Variants in POU2F1 observed in about 807,000 individuals in gnomAD.
POU2F1 encodes POU class 2 homeobox 1.
POU2F1 carries 16 observed loss-of-function variants against 84.9 expected under a neutral mutation model. The observed-to-expected ratio is 0.19, with a 90% CI of 0.13 to 0.29. The LOEUF is 0.29. Among genes scored for constraint, POU2F1 ranks in the 10% least tolerant of loss-of-function variants. The pLI, the probability that POU2F1 is intolerant of heterozygous loss-of-function variation, is 1.00. For synonymous variants in POU2F1, 368 were observed against 368.3 expected, an observed-to-expected ratio of 1.00 and a Z score of 0.01; for missense variants, 738 against 942.6, an observed-to-expected ratio of 0.78 and a Z score of 2.84.
chr1:167,418,033 C>T lies in POU2F1; in HGVS notation c.*2223C>T, dbSNP rs2101959114. ...GGGAAACTAACAAATGTCCATTCACCCTTTTTGTGTGGTGTGTTTTTTTAT... is the reference window on the plus strand; with the variant it reads ...GGGAAACTAACAAATGTCCATTCACTCTTTTTGTGTGGTGTGTTTTTTTAT... On this transcript the variant is annotated 3_prime_UTR_variant, in exon 16 of 16. Transcript: ENST00000367866. 1 of 152,230 alleles carries T rather than the reference C, an allele frequency of 6.6e-6. No individual in the cohort carries two copies. The highest frequency in any genetic ancestry group is 1.9e-4 in the East Asian group (1 of 5,184). The allele number at this position is 152,230 out of a possible 1,614,324, so 9.4% of individuals were successfully genotyped here.
At chr1:167,310,248 G>A (rs1655368473) in intron 1 of POU2F1, among the ~76,000 whole-genome samples, 1 of 151,886 alleles carries the variant, frequency 6.6e-6, no homozygotes, top group Non-Finnish European at 1.5e-5. Flanking sequence ...AAGGGGGGAA[G>A]GGAGATCCAC....
At chr1:167,325,065 TTGTA>T (rs958187903) in intron 1 of POU2F1, among the ~76,000 whole-genome samples, 5 of 152,200 alleles carry the variant, frequency 3.3e-5, no homozygotes, top group African/African-American at 1.2e-4. Flanking sequence ...TTATTTTAGT[TTGTA>T]TGTGTGTGAT....
At chr1:167,325,671 C>CA (rs1259586405) in intron 1 of POU2F1, among the ~76,000 whole-genome samples, 1 of 152,066 alleles carries the variant, frequency 6.6e-6, no homozygotes, top group East Asian at 1.9e-4. Context: ...GTGGGCGAAT[C>CA]ACGAGGTCAG....
At chr1:167,358,070 G>A (rs1659086746) in intron 2 of POU2F1, among the ~76,000 whole-genome samples, 1 of 150,636 alleles carries the variant, frequency 6.6e-6, no homozygotes, top group African/African-American at 2.4e-5. Context: ...CCAAAGTGCT[G>A]GGATTACAGG....
chr1:167,260,293 G>A (rs1456818309), intron 1 of POU2F1, among the ~76,000 whole-genome samples: 2 of 152,086 alleles, frequency 1.3e-5, no homozygotes, highest in Non-Finnish European at 2.9e-5. Context: ...GCTCGGTTAT[G>A]TATGTTCTAA....
chr1:167,241,777 T>TTA (rs1649922376), intron 1 of POU2F1, among the ~76,000 whole-genome samples: 1 of 152,204 alleles, frequency 6.6e-6, no homozygotes, highest in Admixed American at 6.5e-5. Flanking sequence ...TTGTTATGTG[T>TTA]TTTATAGGTG....
intron 1 of POU2F1, among the ~76,000 whole-genome samples, chr1:167,292,676 C>T (rs1237323603): frequency 6.6e-6 from 1 of 151,332 alleles, no homozygotes; most frequent in African/African-American, 2.4e-5. Flanking sequence ...AAAAAAACTA[C>T]AAGAAATAAT....
Position 167,425,149 on chromosome 1 carries a change from A to T in POU2F1, c.*9339A>T, listed in dbSNP as rs1316263580. 6.6e-6 allele frequency: 1 copy of T among 152,078 alleles called. No individual in the cohort carries two copies. Among genetic ancestry groups the T allele is most frequent in the African/African-American group, 2.4e-5 (1 of 41,416 alleles). 9.4% of individuals were successfully genotyped at this position (152,078 alleles called of 1,614,324 possible). ...CTTTGAATGTAGTTCCCAACCTTCA[A>T]TTCCCACCCCTAATGCTGACAAAAA... is the stretch of plus-strand genomic sequence containing the variant. On this transcript the variant is annotated 3_prime_UTR_variant, in exon 16 of 16. Transcript: ENST00000367866.
At chr1:167,266,622 ATTTT>A (rs34659711) in intron 1 of POU2F1, among the ~76,000 whole-genome samples, 2 of 136,830 alleles carry the variant, frequency 1.5e-5, no homozygotes, top group South Asian at 2.3e-4. Flanking sequence ...AATACTATTA[ATTTT>A]TTTTTTTTTT....
intron 1 of POU2F1, among the ~76,000 whole-genome samples, chr1:167,259,765 G>A (rs2102429489): frequency 6.6e-6 from 1 of 152,258 alleles, no homozygotes; most frequent in South Asian, 2.1e-4. Context: ...TGCCAAGATA[G>A]TGTAATTTTG....
chr1:167,421,050 A>ATG lies in POU2F1; in HGVS notation c.*5249_*5250dup, dbSNP rs575732358. ...TCATAACTGATATGAGTTTGCTTTT[A>ATG]TGTGTGTGTGGAAAGCATTTAATGT... On this transcript the variant is annotated 3_prime_UTR_variant, in exon 16 of 16. Transcript: ENST00000367866. 4.6e-5 allele frequency: 7 copies of ATG among 152,276 alleles called. No homozygotes were observed. The highest frequency in any genetic ancestry group is 3.4e-3 in the Middle Eastern group (1 of 294). 9.4% of individuals were successfully genotyped at this position (152,276 alleles called of 1,614,324 possible).
At chr1:167,247,220 CG>C (rs1237695613) in intron 1 of POU2F1, among the ~76,000 whole-genome samples, 1 of 151,994 alleles carries the variant, frequency 6.6e-6, no homozygotes, top group African/African-American at 2.4e-5. Flanking sequence ...AGACCATAGG[CG>C]TGTGCCACCA....
intron 1 of POU2F1, among the ~76,000 whole-genome samples, chr1:167,259,063 G>T (rs999052637): frequency 2.0e-5 from 3 of 152,184 alleles, no homozygotes; most frequent in Non-Finnish European, 4.4e-5. Context: ...GCTTACTCGT[G>T]TATCTATGAC....
At chr1:167,406,039 T>C (rs376786457) in intron 13 of POU2F1, among the ~76,000 whole-genome samples, 1 of 150,602 alleles carries the variant, frequency 6.6e-6, no homozygotes, top group African/African-American at 2.4e-5. Context: ...ATTACCCAGA[T>C]ACCTAAGCTT....
chr1:167,262,459 G>A (rs760401523), intron 1 of POU2F1, among the ~76,000 whole-genome samples: 16 of 152,100 alleles, frequency 1.1e-4, no homozygotes, highest in Non-Finnish European at 1.9e-4. Flanking sequence ...AGCGAATTGC[G>A]GGAAACACAA....
At chr1:167,321,139 C>T (rs1053366927) in intron 1 of POU2F1, among the ~76,000 whole-genome samples, 2 of 152,006 alleles carry the variant, frequency 1.3e-5, no homozygotes, top group African/African-American at 4.8e-5. Flanking sequence ...TAATATTTCT[C>T]GAGTGGGGGC....
intron 1 of POU2F1, among the ~76,000 whole-genome samples, chr1:167,282,144 CTTATT>C (rs1653188721): frequency 6.8e-6 from 1 of 147,256 alleles, no homozygotes; most frequent in Admixed American, 6.6e-5. Context: ...AATTTTTTTT[CTTATT>C]TTTTTTTTTT....
At chr1:167,267,215 G>A (rs1652029878) in intron 1 of POU2F1, among the ~76,000 whole-genome samples, 1 of 151,322 alleles carries the variant, frequency 6.6e-6, no homozygotes, top group African/African-American at 2.4e-5. Context: ...GGGGAAGGAA[G>A]CTGTAAAAAG....
intron 1 of POU2F1, among the ~76,000 whole-genome samples, chr1:167,284,024 T>C (rs1443653337): frequency 6.6e-6 from 1 of 152,200 alleles, no homozygotes; most frequent in African/African-American, 2.4e-5. Flanking sequence ...GATTCTTTAA[T>C]ATTTATTTTT....
Sources: allele counts gnomAD v4.1 joint callset (sites outside exome capture counted in the v4.1 genomes callset), GRCh38; gene constraint gnomAD v4.1.1; transcripts MANE v1.5; gene names NCBI Gene and HGNC (gene_info 2026-07-23, HGNC 2026-07-21).